LAT: variants seen among roughly 807,000 people sequenced by gnomAD.
LAT encodes the protein linker for activation of T cells, also known as linker for activation of T-cells family member 1.
A neutral mutation model predicts 39.1 loss-of-function variants in LAT; 12 were observed. That is an observed-to-expected ratio of 0.31 (90% CI 0.20 to 0.50). The LOEUF is 0.50. Among genes scored for constraint, LAT ranks in the 20% least tolerant of loss-of-function variants. LAT has a pLI of 0.98. For missense variants in LAT, 253 were observed against 308.0 expected (o/e 0.82, Z 1.34); for synonymous variants, 117 against 123.8 (o/e 0.95, Z 0.36).
In LAT at chr16:28,985,790, G is replaced by T; in HGVS notation, c.128+50G>T. Reference sequence around the variant, plus strand: ...GTCTCCCTCCACACCCCATGGCGGGGCAGGGCTGGGGCTTCCATCCTCCAT... The same window carrying T: ...GTCTCCCTCCACACCCCATGGCGGGTCAGGGCTGGGGCTTCCATCCTCCAT... On this transcript the variant is annotated intron_variant, in intron 2 of 11. Transcript: ENST00000395456. This position sits in a 1 kb window ranked among gnomAD's most constrained non-coding sequence, Gnocchi z 4.6. The T allele has an allele frequency of 6.2e-7, 1 of 1,613,672 alleles. No individual in the cohort carries two copies. Among genetic ancestry groups the T allele is most frequent in the Non-Finnish European group, 8.5e-7 (1 of 1,179,666 alleles).
Position 28,990,383 on chromosome 16 carries a change from C to A in LAT, c.*202C>A. The A allele has an allele frequency of 2.2e-6, 1 of 447,514 alleles. No homozygotes were observed. Among genetic ancestry groups the A allele is most frequent in the Non-Finnish European group, 4.4e-6 (1 of 229,552 alleles). 27.7% of individuals were successfully genotyped at this position (447,514 alleles called of 1,614,324 possible). ...GAACGCTCTGCACCTTCTGACGCAG[C>A]CTGAGAATGACCTGCCCTGGCCCCA... On this transcript the variant is annotated 3_prime_UTR_variant, in exon 12 of 12. Coordinates refer to ENST00000395456, the MANE Select transcript of LAT (RefSeq NM_001014987.2).
rs748200927 is a variant in LAT, at chr16:28,986,441, A to ATGG, written c.310_310+2dup. On this transcript the variant is annotated inframe_insertion, in exon 5 of 12. Coordinates refer to ENST00000395456, the MANE Select transcript of LAT (RefSeq NM_001014987.2). This position sits in a 1 kb window ranked among gnomAD's most constrained non-coding sequence, Gnocchi z 5.7. ...ACGCCATCTTCCCGGCGGGATTCTG[A>ATGG]TGGTGGTAAGTGTGGGGAAGGGTTC... The ATGG allele has an allele frequency of 4.3e-6, 7 of 1,613,598 alleles. No homozygotes were observed. The African/African-American group carries it at 9.4e-5, about 22-fold the overall frequency.
At chr16:28,988,627 C>G (rs1045680726) in intron 8 of LAT, 2 of 152,250 alleles carry the variant, frequency 1.3e-5, no homozygotes, top group African/African-American at 2.4e-5. Flanking sequence ...AGGAGAATTG[C>G]TAGAACCGGG....
Position 28,985,304 on chromosome 16 carries a change from CT to C in LAT, c.-113del. 6.6e-7 allele frequency: 1 copy of C among 1,510,150 alleles called. No homozygotes were observed. The highest frequency in any genetic ancestry group is 8.9e-7 in the Non-Finnish European group (1 of 1,128,712). 93.5% of individuals were successfully genotyped at this position (1,510,150 alleles called of 1,614,324 possible). A position where few individuals can be genotyped will look rare whatever the true frequency, so the allele number is the denominator to read the frequency against. ...CCCGGGCTCCCCTGCCACCTGGTGC[CT>C]ACCTGCCCCCTGCTCCCTGCCGGGT... On this transcript the variant is annotated 5_prime_UTR_variant, in exon 1 of 12. Transcript: ENST00000395456. The surrounding 1 kb of genome is among the most constrained non-coding windows in gnomAD (Gnocchi z 4.6).
Position 28,986,376 on chromosome 16 carries a change from T to C in LAT, c.246-6T>C, listed in dbSNP as rs1202694217. ...TCAGGCATGACCCCTGACCTTTGAC[T>C]CCCAGAAGATCCCCGCAGCCCCTTG... On this transcript the variant is annotated splice_polypyrimidine_tract_variant and splice_region_variant and intron_variant, in intron 4 of 11. Coordinates refer to ENST00000395456, the MANE Select transcript of LAT (RefSeq NM_001014987.2). The surrounding 1 kb of genome is among the most constrained non-coding windows in gnomAD (Gnocchi z 5.7). 8 of 1,613,502 alleles carry C rather than the reference T, an allele frequency of 5.0e-6. No individual in the cohort carries two copies. The African/African-American group carries it at 5.3e-5, about 11-fold the overall frequency.
chr16:28,985,920 G>A lies in LAT; in HGVS notation c.163+32G>A. 3 of 1,610,816 alleles carry A rather than the reference G, an allele frequency of 1.9e-6. No individual in the cohort carries two copies. The highest frequency in any genetic ancestry group is 2.5e-6 in the Non-Finnish European group (3 of 1,177,056). On this transcript the variant is annotated intron_variant, in intron 3 of 11. Coordinates refer to ENST00000395456, the MANE Select transcript of LAT (RefSeq NM_001014987.2). This position sits in a 1 kb window ranked among gnomAD's most constrained non-coding sequence, Gnocchi z 4.6. ...ACAAGGAGGGTCCCCTACCTTGGGT[G>A]CCAGGGAGAGGGTCCCCTGGTGTGG...
rs779309559 is a variant in LAT, at chr16:28,985,353, C to T, written c.-65C>T. 17 of 1,602,016 alleles carry T rather than the reference C, an allele frequency of 1.1e-5. No homozygotes were observed. The Admixed American group carries it at 2.4e-4, about 22-fold the overall frequency. On this transcript the variant is annotated 5_prime_UTR_variant, in exon 1 of 12. Coordinates refer to ENST00000395456, the MANE Select transcript of LAT (RefSeq NM_001014987.2). The surrounding 1 kb of genome is among the most constrained non-coding windows in gnomAD (Gnocchi z 4.6). ...GGTCCGGTCCTCACCCCATCTTCAT[C>T]TGGCCTTGACTCTGCCCTTGAGGGG... is the stretch of plus-strand genomic sequence containing the variant.
At chr16:28,989,684 C>G in intron 9 of LAT, 90 bp from the exon 10 acceptor site, 1 of 1,581,404 alleles carries the variant, frequency 6.3e-7, no homozygotes, top group Non-Finnish European at 8.7e-7. Flanking sequence ...CTACCCACAC[C>G]CTCTGCCCCC....
chr16:28,989,731 A>G, intron 9 of LAT, 43 bp from the exon 10 acceptor site: 2 of 1,609,234 alleles, frequency 1.2e-6, no homozygotes, highest in Non-Finnish European at 8.5e-7. Flanking sequence ...CGCCCTCCTG[A>G]CCCCTTTGCG....
In LAT at chr16:28,985,682, G is replaced by A. The variant is rs759046674; in HGVS notation, c.101-31G>A. On this transcript the variant is annotated intron_variant, in intron 1 of 11. Transcript: ENST00000395456. This position sits in a 1 kb window ranked among gnomAD's most constrained non-coding sequence, Gnocchi z 4.6. ...GCACCTTCTGCCCTAAGCACCCCCT[G>A]TTCCTGCCTCACCAGCCCTCTCTTT... 1.9e-6 allele frequency: 3 copies of A among 1,613,580 alleles called. No individual in the cohort carries two copies. In the South Asian group the frequency reaches 3.3e-5, roughly 18 times the overall value.
intron 9 of LAT, 89 bp downstream of exon 9, chr16:28,989,678 C>G (rs1213113411): frequency 2.5e-5 from 40 of 1,583,756 alleles, no homozygotes; most frequent in Non-Finnish European, 3.1e-5. Context: ...CTGGGGCTAC[C>G]CACACCCTCT....
Position 28,985,771 on chromosome 16 carries a change from C to A in LAT, c.128+31C>A. On this transcript the variant is annotated intron_variant, in intron 2 of 11. Coordinates refer to ENST00000395456, the MANE Select transcript of LAT (RefSeq NM_001014987.2). This position sits in a 1 kb window ranked among gnomAD's most constrained non-coding sequence, Gnocchi z 4.6. ...TCCGCCCCAGCCGCCCTGGGTCTCC[C>A]TCCACACCCCATGGCGGGGCAGGGC... 1 of 1,614,090 alleles carries A rather than the reference C, an allele frequency of 6.2e-7. No individual in the cohort carries two copies. The highest frequency in any genetic ancestry group is 8.5e-7 in the Non-Finnish European group (1 of 1,179,960).
At position 28,986,950 on chromosome 16, in the gene LAT, G is replaced by A. The variant is rs1195763377; in HGVS notation, c.493+57G>A. ...TTTTTTAGGGATAGGCTGGAGTGCA[G>A]TGGTGCCATTGTAGCTCGCTGCAGC... On this transcript the variant is annotated intron_variant, in intron 8 of 11. Transcript: ENST00000395456. The surrounding 1 kb of genome is among the most constrained non-coding windows in gnomAD (Gnocchi z 5.7). 2.2e-5 allele frequency: 32 copies of A among 1,422,280 alleles called. No homozygotes were observed. The highest frequency in any genetic ancestry group is 2.7e-5 in the Non-Finnish European group (28 of 1,027,634). The allele number at this position is 1,422,280 out of a possible 1,614,324, so 88.1% of individuals were successfully genotyped here.
rs758241866 is a variant in LAT at position 28,986,119 on chromosome 16, G to A, written c.164-16G>A. 12 of 1,582,488 alleles carry A rather than the reference G, an allele frequency of 7.6e-6. No individual in the cohort carries two copies. The East Asian group carries it at 2.7e-4, about 35-fold the overall frequency. Reference sequence around the variant, plus strand: ...ATGTCCGGAGTCCTTCTTTCAACTTGGTTCTGTGTCCTCAGACACGGTTGC... The same window carrying A: ...ATGTCCGGAGTCCTTCTTTCAACTTAGTTCTGTGTCCTCAGACACGGTTGC... On this transcript the variant is annotated splice_polypyrimidine_tract_variant and intron_variant, in intron 3 of 11. Coordinates refer to ENST00000395456, the MANE Select transcript of LAT (RefSeq NM_001014987.2). The surrounding 1 kb of genome is among the most constrained non-coding windows in gnomAD (Gnocchi z 5.7).
intron 8 of LAT, chr16:28,988,305 G>C (rs982611577): frequency 2.6e-5 from 4 of 152,578 alleles, no homozygotes; most frequent in African/African-American, 9.6e-5. Flanking sequence ...TTACAGAGGA[G>C]AAAACTGAGG....
chr16:28,990,148 G>T, intron 11 of LAT, 41 bp from the exon 12 acceptor site: 1 of 767,220 alleles, frequency 1.3e-6, no homozygotes, highest in South Asian at 1.5e-5. Context: ...AACCCCGTCA[G>T]CCTCCTGATC....
Position 28,985,510 on chromosome 16 carries a change from A to G in LAT, c.93A>G (p.Arg31=), listed in dbSNP as rs143269723. ...TGGCACTGTGTGTGCACTGCCACAG[A>G]CTGCCAGGTGAGTGGGAAACTGGTG... ...MLMALCVHCH[R]LPGSYDSTSS... Residue 31 remains arginine, a synonymous_variant, in exon 1 of 12, where the codon AGA becomes AGG. Coordinates refer to ENST00000395456, the MANE Select transcript of LAT (RefSeq NM_001014987.2). The surrounding 1 kb of genome is among the most constrained non-coding windows in gnomAD (Gnocchi z 4.6). 1.8e-4 allele frequency: 297 copies of G among 1,613,430 alleles called. No homozygotes were observed. Among genetic ancestry groups the G allele is most frequent in the Non-Finnish European group, 2.4e-4 (284 of 1,179,758 alleles).
intron 8 of LAT, chr16:28,989,162 TC>T: frequency 4.9e-6 from 1 of 204,038 alleles, no homozygotes; most frequent in Non-Finnish European, 9.8e-6. Context: ...GTGTGTCATG[TC>T]CCCTCCACAC....
chr16:28,989,665 A>G, intron 9 of LAT, 76 bp downstream of exon 9: 1 of 1,583,122 alleles, frequency 6.3e-7, no homozygotes. Flanking sequence ...ACCAGATCCC[A>G]CCCTGGGGCT....
Sources: gnomAD v4.1 joint callset for allele counts on GRCh38, gnomAD v4.1.1 for gene constraint, Gnocchi (gnomAD v3.1) non-coding constraint, MANE v1.5 for transcripts, NCBI Gene and HGNC (gene_info 2026-07-23, HGNC 2026-07-21) for gene names.